Variants in EPB41 observed in about 807,000 individuals in gnomAD.
EPB41 encodes the protein erythrocyte membrane protein band 4.1, also known as protein 4.1.
In EPB41, 65 loss-of-function variants were observed where a neutral mutation model predicts 108.0. The observed-to-expected ratio is 0.60, with a 90% CI of 0.49 to 0.74. EPB41 has a LOEUF of 0.74. EPB41 is among the 30% of genes least tolerant of loss of function. EPB41 has a pLI of 0.00. For synonymous variants in EPB41, 336 were observed against 358.9 expected (o/e 0.94, Z 0.72); for missense variants, 875 against 1,037.0 (o/e 0.84, Z 2.15).
chr1:28,988,215 G>C (rs1046279050), intron 2 of EPB41, among the ~76,000 whole-genome samples: 1 of 152,204 alleles, frequency 6.6e-6, no homozygotes, highest in African/African-American at 2.4e-5. Context: ...AGCTGAGATC[G>C]TGCCACTGCA....
intron 17 of EPB41, among the ~76,000 whole-genome samples, chr1:29,099,646 T>C (rs1377723510): frequency 1.3e-5 from 2 of 152,238 alleles, no homozygotes; most frequent in Non-Finnish European, 2.9e-5. Context: ...CTCTCACTTT[T>C]GGTAGTTTCA....
intron 4 of EPB41, among the ~76,000 whole-genome samples, chr1:29,001,244 C>T (rs988266893): frequency 3.9e-5 from 6 of 152,114 alleles, no homozygotes; most frequent in African/African-American, 9.7e-5. Context: ...GCATGAGAAT[C>T]GCTTGAACCC....
At position 29,017,748 on chromosome 1, in the gene EPB41, T is replaced by A. The variant is rs1455359781; in HGVS notation, c.906-476T>A. Among the ~76,000 whole-genome samples, 6 of 152,212 alleles carry A rather than the reference T, an allele frequency of 3.9e-5. No individual in the cohort carries two copies. The East Asian group carries it at 1.2e-3, about 29-fold the overall frequency. Reference sequence around the variant, plus strand: ...AAGGGCCTGGTTTTGGAGCCAGTCTTCATTACTACCTGACACCGAGCACGC... The same window carrying A: ...AAGGGCCTGGTTTTGGAGCCAGTCTACATTACTACCTGACACCGAGCACGC... On this transcript the variant is annotated intron_variant, in intron 6 of 20. Transcript: ENST00000343067.
At chr1:28,989,991 T>A (rs2095969665) in intron 2 of EPB41, among the ~76,000 whole-genome samples, 1 of 152,096 alleles carries the variant, frequency 6.6e-6, no homozygotes, top group Non-Finnish European at 1.5e-5. Flanking sequence ...GCGCAGTGGC[T>A]CACACCTGTA....
intron 1 of EPB41, among the ~76,000 whole-genome samples, chr1:28,968,366 C>T (rs1022036831): frequency 1.2e-4 from 18 of 151,994 alleles, no homozygotes; most frequent in Admixed American, 1.1e-3. Context: ...AACAAACAAA[C>T]AAACAAACAA....
At position 29,039,244 on chromosome 1, in the gene EPB41, T is replaced by A. The variant is rs768008894; in HGVS notation, c.1464-10T>A. 1 of 1,613,526 alleles carries A rather than the reference T, an allele frequency of 6.2e-7. No homozygotes were observed. Among genetic ancestry groups the A allele is most frequent in the Non-Finnish European group, 8.5e-7 (1 of 1,179,602 alleles). ...ATATAATAATATGACTATTACGATTTTCCCCCCAGATTGACATCTACAGAC... is the reference window on the plus strand; with the variant it reads ...ATATAATAATATGACTATTACGATTATCCCCCCAGATTGACATCTACAGAC... On this transcript the variant is annotated splice_polypyrimidine_tract_variant and intron_variant, in intron 10 of 20. Transcript: ENST00000343067.
At chr1:29,116,150 C>CTTTTT (rs537469371) in intron 20 of EPB41, among the ~76,000 whole-genome samples, 2 of 113,762 alleles carry the variant, frequency 1.8e-5, no homozygotes, top group Non-Finnish European at 3.4e-5. Flanking sequence ...ACAGGTCTCT[C>CTTTTT]TTTTTTTTTT....
At chr1:28,976,762 G>A (rs186391385) in intron 1 of EPB41, among the ~76,000 whole-genome samples, 1 of 152,244 alleles carries the variant, frequency 6.6e-6, no homozygotes, top group Admixed American at 6.5e-5. Context: ...GATTTACAAT[G>A]TTCTTAATAA....
chr1:28,971,975 A>G (rs1412358968), intron 1 of EPB41, among the ~76,000 whole-genome samples: 1 of 152,110 alleles, frequency 6.6e-6, no homozygotes, highest in Non-Finnish European at 1.5e-5. Context: ...AGCTCACTAC[A>G]GTCTCGACCT....
intron 1 of EPB41, among the ~76,000 whole-genome samples, chr1:28,901,175 C>T (rs533296643): frequency 9.2e-5 from 14 of 151,942 alleles, no homozygotes; most frequent in Non-Finnish European, 1.5e-4. Context: ...GTGATCCGCC[C>T]GCCTTGGCCT....
At chr1:29,052,900 A>G (rs1230310549) in intron 11 of EPB41, among the ~76,000 whole-genome samples, 1 of 152,178 alleles carries the variant, frequency 6.6e-6, no homozygotes, top group Non-Finnish European at 1.5e-5. Context: ...TAGCCTTTCT[A>G]CTGAGGGTAC....
chr1:29,061,572 G>GTTTGTTT (rs1646544792), intron 15 of EPB41, among the ~76,000 whole-genome samples: 1 of 64,036 alleles, frequency 1.6e-5, no homozygotes, highest in African/African-American at 6.1e-5. Flanking sequence ...CCTGGCCTTT[G>GTTTGTTT]TTTTTTTTTT....
intron 5 of EPB41, among the ~76,000 whole-genome samples, chr1:29,012,122 A>ATT (rs78276641): frequency 6.9e-6 from 1 of 145,980 alleles, no homozygotes. Context: ...GATTTTGTTG[A>ATT]TTTTTTTTTT....
At chr1:29,029,589 C>T (rs191845628) in intron 7 of EPB41, among the ~76,000 whole-genome samples, 86 of 152,186 alleles carry the variant, frequency 5.7e-4, no homozygotes, top group Non-Finnish European at 1.1e-3. Context: ...AATTGTGCAG[C>T]ATTAGGAGTG....
rs76580323 is a variant in EPB41 at position 28,890,495 on chromosome 1, C to T, written c.-8+3285C>T. Among the ~76,000 whole-genome samples, 892 of 152,218 alleles carry T rather than the reference C, an allele frequency of 5.9e-3. 4 individuals are homozygous for T. Among genetic ancestry groups the T allele is most frequent in the Non-Finnish European group, 0.011 (728 of 68,024 alleles). ...CTTCCAGCGCCTATTACTATAGCCTCGGGACCTAGTTTGGGACTTAGTCTA... is the reference window on the plus strand; with the variant it reads ...CTTCCAGCGCCTATTACTATAGCCTTGGGACCTAGTTTGGGACTTAGTCTA... On this transcript the variant is annotated intron_variant, in intron 1 of 16. Transcript: ENST00000347529.
At chr1:29,041,113 G>A (rs1039028127) in intron 11 of EPB41, 1 of 150,692 alleles carries the variant, frequency 6.6e-6, no homozygotes, top group Admixed American at 6.7e-5. Flanking sequence ...TCCAGCCTGG[G>A]AGACAGAGTG....
At chr1:28,903,639 T>C (rs910258200) in intron 1 of EPB41, among the ~76,000 whole-genome samples, 3 of 151,988 alleles carry the variant, frequency 2.0e-5, no homozygotes, top group African/African-American at 7.3e-5. Context: ...TATTTCTTCA[T>C]CTGTACAATG....
At chr1:28,999,875 C>T (rs1333676979) in intron 4 of EPB41, among the ~76,000 whole-genome samples, 1 of 152,056 alleles carries the variant, frequency 6.6e-6, no homozygotes, top group East Asian at 1.9e-4. Flanking sequence ...TCTCTGCTTT[C>T]CGGGCTCAAT....
chr1:28,992,343 C>T (rs1310388579), intron 2 of EPB41, among the ~76,000 whole-genome samples: 4 of 152,120 alleles, frequency 2.6e-5, no homozygotes, highest in Admixed American at 6.5e-5. Flanking sequence ...AATAATTAGT[C>T]GGGTTTAGAT....
Sources: gnomAD v4.1 joint callset for allele counts (sites outside exome capture counted in the v4.1 genomes callset) on GRCh38, gnomAD v4.1.1 for gene constraint, MANE v1.5 for transcripts, NCBI Gene and HGNC (gene_info 2026-07-23, HGNC 2026-07-21) for gene names.